ATG13: variants seen among roughly 807,000 people sequenced by gnomAD.
ATG13 encodes autophagy-related protein 13.
ATG13 carries 23 observed loss-of-function variants against 65.5 expected under a neutral mutation model. That is an observed-to-expected ratio of 0.35 (90% CI 0.25 to 0.50). The LOEUF (loss-of-function observed/expected upper bound fraction) is 0.50, where lower values mean the gene tolerates loss of function less well. ATG13 is among the 20% of genes least tolerant of loss of function. The probability of loss-of-function intolerance (pLI) is 0.98; values close to 1 mark genes in which losing one functional copy is unlikely to be tolerated. For missense variants in ATG13, 566 were observed against 677.0 expected (o/e 0.84, Z 1.82); for synonymous variants, 252 against 245.2 (o/e 1.03, Z -0.26).
intron 6 of ATG13, among the ~76,000 whole-genome samples, chr11:46,649,479 C>A (rs556607757): frequency 6.6e-6 from 1 of 152,172 alleles, no homozygotes; most frequent in Non-Finnish European, 1.5e-5. Context: ...TGATTAAATC[C>A]CTTGCGAGCT....
At chr11:46,622,021 C>T (rs2047666712) in intron 1 of ATG13, among the ~76,000 whole-genome samples, 1 of 140,992 alleles carries the variant, frequency 7.1e-6, no homozygotes, top group Admixed American at 7.6e-5. Context: ...GAACTGACAG[C>T]ATCAGTTCAG....
chr11:46,662,532 T>C (rs4423141), intron 11 of ATG13, among the ~76,000 whole-genome samples: 152,192 of 152,290 alleles, frequency 1, 76,047 homozygotes, highest in Middle Eastern at 1. Flanking sequence ...TGTGTCTTAT[T>C]GCAATTTAAA....
Position 46,644,585 on chromosome 11 carries a change from A to T in ATG13, c.69+225A>T, listed in dbSNP as rs201162188. On this transcript the variant is annotated intron_variant, in intron 3 of 18. Coordinates refer to ENST00000683050, the MANE Select transcript of ATG13 (RefSeq NM_001346311.2). The stretch of plus-strand genomic sequence containing the variant: ...CCACAGCTACTTGTTCAAAAAAAAA[A>T]TTTTTTTTTTTTTTGCAAGTCTGTT... Among the ~76,000 whole-genome samples the T allele has an allele frequency of 6.3e-3, 911 of 144,126 alleles. 10 individuals are homozygous for T. The highest frequency in any genetic ancestry group is 0.022 in the African/African-American group (848 of 39,258). 94.6% of individuals were successfully genotyped at this position (144,126 alleles called of 152,430 possible).
chr11:46,643,824 A>G (rs2056827708), intron 2 of ATG13, among the ~76,000 whole-genome samples: 1 of 152,008 alleles, frequency 6.6e-6, no homozygotes, highest in South Asian at 2.1e-4. Flanking sequence ...AAACATTCCT[A>G]TATGTATGTT....
intron 7 of ATG13, 130 bp downstream of exon 7, chr11:46,650,447 T>C (rs1448677742): frequency 1.6e-6 from 2 of 1,267,122 alleles, no homozygotes; most frequent in African/African-American, 3.0e-5. Context: ...ATGCTGTCGC[T>C]TTCATGTGAT....
chr11:46,637,575 A>G (rs924285202), intron 2 of ATG13, among the ~76,000 whole-genome samples: 13 of 152,102 alleles, frequency 8.5e-5, no homozygotes, highest in African/African-American at 3.1e-4. Flanking sequence ...GGGTTTTGCC[A>G]TGTTGGCCAG....
intron 7 of ATG13, among the ~76,000 whole-genome samples, chr11:46,655,285 C>T (rs1300178643): frequency 6.6e-6 from 1 of 152,050 alleles, no homozygotes; most frequent in Non-Finnish European, 1.5e-5. Context: ...TGTAGTCCAG[C>T]TGCTCGGGAG....
intron 2 of ATG13, among the ~76,000 whole-genome samples, chr11:46,640,228 A>C (rs913848385): frequency 2.6e-5 from 4 of 152,200 alleles, no homozygotes; most frequent in Non-Finnish European, 4.4e-5. Context: ...AAATGGTTAC[A>C]AGGAAGTGGG....
chr11:46,649,065 T>G, intron 5 of ATG13, 72 bp from the exon 6 acceptor site: 1 of 1,357,806 alleles, frequency 7.4e-7, no homozygotes, highest in South Asian at 1.3e-5. Context: ...CTTTTAATAT[T>G]TTTATAGTGA....
At chr11:46,621,986 CT>C (rs1240414314) in intron 1 of ATG13, among the ~76,000 whole-genome samples, 1 of 149,038 alleles carries the variant, frequency 6.7e-6, no homozygotes, top group African/African-American at 2.5e-5. Context: ...TTATCTACAT[CT>C]TTATGTGTTT....
rs1211134160 is a variant in ATG13, at chr11:46,665,952, G to A, written c.1136+433G>A. Among the ~76,000 whole-genome samples, 6 of 151,574 alleles carry A rather than the reference G, an allele frequency of 4.0e-5. No individual in the cohort carries two copies. In the South Asian group the frequency reaches 8.3e-4, roughly 21 times the overall value. Reference sequence around the variant, plus strand: ...CCTGAGTAGTTGGGATTACGGGCGCGTGCCACCACACCTGGCTAATTTTTG... The same window carrying A: ...CCTGAGTAGTTGGGATTACGGGCGCATGCCACCACACCTGGCTAATTTTTG... On this transcript the variant is annotated intron_variant, in intron 14 of 18. Coordinates refer to ENST00000683050, the MANE Select transcript of ATG13 (RefSeq NM_001346311.2).
rs528675730 is a variant in ATG13, at chr11:46,633,105, ACCT to A, written c.-14+3013_-14+3015del. On this transcript the variant is annotated intron_variant, in intron 2 of 18. Coordinates refer to ENST00000683050, the MANE Select transcript of ATG13 (RefSeq NM_001346311.2). Reference sequence around the variant, plus strand: ...AGTGGTGGGATCTCGGCTCACTGCAACCTCCTCCTCTCGGGTTCAAGCTATTCT... The same window carrying A: ...AGTGGTGGGATCTCGGCTCACTGCAACCTCCTCTCGGGTTCAAGCTATTCT... 2.0e-4 allele frequency among the ~76,000 whole-genome samples: 28 copies of A among 142,696 alleles called. 1 individual carries two copies. In the South Asian group the frequency reaches 5.7e-3, roughly 29 times the overall value. 93.6% of individuals were successfully genotyped at this position (142,696 alleles called of 152,430 possible). A position where few individuals can be genotyped will look rare whatever the true frequency, so the allele number is the denominator to read the frequency against.
chr11:46,640,976 G>GT (rs1359120707), intron 2 of ATG13, among the ~76,000 whole-genome samples: 2 of 152,218 alleles, frequency 1.3e-5, no homozygotes, highest in African/African-American at 4.8e-5. Context: ...TCCTGACTTT[G>GT]TCTCTGATAG....
At chr11:46,620,198 A>G (rs191329485) in intron 1 of ATG13, among the ~76,000 whole-genome samples, 128 of 149,798 alleles carry the variant, frequency 8.5e-4, no homozygotes, top group African/African-American at 3.0e-3. Flanking sequence ...AGTTCAAGCA[A>G]TTCTCCTGCC....
At chr11:46,667,668 A>G (rs1395763611) in intron 14 of ATG13, 105 bp from the exon 15 acceptor site, 8 of 782,676 alleles carry the variant, frequency 1.0e-5, no homozygotes, top group Non-Finnish European at 1.6e-5. Flanking sequence ...AGTGGGGACC[A>G]ACTCCTGCCC....
rs1278335304 is a variant in ATG13, at chr11:46,650,257, G to A, written c.398G>A (p.Arg133Lys). 6.2e-7 allele frequency: 1 copy of A among 1,613,938 alleles called. No individual in the cohort carries two copies. Among genetic ancestry groups the A allele is most frequent in the African/African-American group, 1.3e-5 (1 of 74,922 alleles). The change falls in exon 7 of 19, where the codon AGG (arginine) becomes AAG (lysine). Residue 133 changes from arginine (R) to lysine (K), a missense_variant. By Grantham distance (26) the Arg-to-Lys change is conservative. Coordinates refer to ENST00000683050, the MANE Select transcript of ATG13 (RefSeq NM_001346311.2). ...LLLKSLLAIT[R>K]VTPAYRLSRK... Reference sequence around the variant, plus strand: ...CTGAAGTCCCTTCTTGCTATAACTAGGGTGACACCAGCCTATAGGCTCTCC... The same window carrying A: ...CTGAAGTCCCTTCTTGCTATAACTAAGGTGACACCAGCCTATAGGCTCTCC...
Position 46,667,816 on chromosome 11 carries a change from T to G in ATG13, c.1180T>G (p.Ser394Ala). ...TVSNSSEGRA[S>A]PHDVLETIFV... ...ATCAAACAGCAGTGAGGGACGGGCC[T>G]CCCCTCACGATGTCTTGGAGACCAT... is the stretch of plus-strand genomic sequence containing the variant. Residue 394 changes from serine to alanine, a missense_variant, in exon 15 of 19, where the codon TCC (serine) becomes GCC (alanine). Transcript: ENST00000683050. The G allele has an allele frequency of 6.2e-7, 1 of 1,611,832 alleles. No homozygotes were observed. The highest frequency in any genetic ancestry group is 8.5e-7 in the Non-Finnish European group (1 of 1,178,052).
rs150268260 is a variant in ATG13, at chr11:46,645,965, G to A, written c.246G>A (p.Val82=). 1.2e-5 allele frequency: 19 copies of A among 1,614,048 alleles called. No homozygotes were observed. In the African/African-American group the frequency reaches 2.1e-4, roughly 18 times the overall value. ...CTGCAGTCGGGAGGTCCATGTGTGT[G>A]GAGATTTCACTTAAGACTTCTGAGG... ...QLPAVGRSMC[V]EISLKTSEGD... is the part of the protein sequence containing the mutation. Residue 82 remains valine (V), a synonymous_variant, in exon 5 of 19, where the codon GTG becomes GTA. Transcript: ENST00000683050.
At chr11:46,661,551 G>A (rs1228900624) in intron 11 of ATG13, among the ~76,000 whole-genome samples, 2 of 149,576 alleles carry the variant, frequency 1.3e-5, no homozygotes, top group African/African-American at 4.9e-5. Flanking sequence ...AGTTCTGCAA[G>A]GCTCAGTAGC....
Sources: allele counts gnomAD v4.1 joint callset (sites outside exome capture counted in the v4.1 genomes callset), GRCh38; gene constraint gnomAD v4.1.1; transcripts MANE v1.5; gene names NCBI Gene and HGNC (gene_info 2026-07-23, HGNC 2026-07-21).